The following AFTPH variants were observed in gnomAD, a reference collection of about 807,000 sequenced individuals.
The protein encoded by AFTPH is aftiphilin, also known as aftiphilin protein.
A neutral mutation model predicts 72.5 loss-of-function variants in AFTPH; 7 were observed. That is an observed-to-expected ratio of 0.10 (90% CI 0.05 to 0.18). The LOEUF (loss-of-function observed/expected upper bound fraction) is 0.18. AFTPH is among the 10% of genes least tolerant of loss of function. AFTPH has a pLI of 1.00. For missense variants in AFTPH, 979 were observed against 1,060.5 expected (o/e 0.92, Z 1.07); for synonymous variants, 337 against 370.1 (o/e 0.91, Z 1.03).
intron 1 of AFTPH, among the ~76,000 whole-genome samples, chr2:64,534,380 A>G (rs1669777892): frequency 1.3e-5 from 2 of 152,336 alleles, no homozygotes; most frequent in Middle Eastern, 6.8e-3. Context: ...ATTCAAAAAA[A>G]AATTACTAAG....
chr2:64,569,670 A>G, exon 5 of AFTPH: 1 of 1,613,734 alleles, frequency 6.2e-7, no homozygotes, highest in Non-Finnish European at 8.5e-7. Context: ...CCATGTATGC[A>G]GCAGGATTGG....
chr2:64,554,339 C>A (rs1671233994), intron 2 of AFTPH, among the ~76,000 whole-genome samples: 1 of 152,120 alleles, frequency 6.6e-6, no homozygotes, highest in South Asian at 2.1e-4. Flanking sequence ...TTTTTCAACT[C>A]CAGGGGTGTG....
chr2:64,567,844 C>T (rs1672177243), intron 3 of AFTPH, 131 bp downstream of exon 3: 1 of 919,204 alleles, frequency 1.1e-6, no homozygotes. Flanking sequence ...AGTTTGAGAC[C>T]AGCCTAGCCA....
At chr2:64,532,828 C>G (rs1167473306) in intron 1 of AFTPH, among the ~76,000 whole-genome samples, 3 of 151,952 alleles carry the variant, frequency 2.0e-5, no homozygotes, top group Non-Finnish European at 4.4e-5. Context: ...AAGGATGAAA[C>G]CTAGATAAAC....
intron 1 of AFTPH, among the ~76,000 whole-genome samples, chr2:64,542,694 G>T (rs1670329417): frequency 6.6e-6 from 1 of 151,740 alleles, no homozygotes; most frequent in Admixed American, 6.6e-5. Context: ...CTAGGGATTG[G>T]TTAGAAAAAC....
intron 2 of AFTPH, among the ~76,000 whole-genome samples, chr2:64,560,537 T>C (rs1352503273): frequency 6.6e-6 from 1 of 152,208 alleles, no homozygotes; most frequent in Non-Finnish European, 1.5e-5. Context: ...ACGACTTTCC[T>C]GAGCCCTTTC....
chr2:64,543,225 T>TG (rs1249483824), intron 1 of AFTPH, among the ~76,000 whole-genome samples: 5 of 152,240 alleles, frequency 3.3e-5, no homozygotes, highest in African/African-American at 1.2e-4. Context: ...ATTTTTCTGT[T>TG]GGATTGTTCC....
At chr2:64,550,677 G>GCGCACACACA (rs777425715) in intron 1 of AFTPH, among the ~76,000 whole-genome samples, 1 of 130,152 alleles carries the variant, frequency 7.7e-6, no homozygotes, top group Non-Finnish European at 1.6e-5. Flanking sequence ...CTGTACGCAT[G>GCGCACACACA]CACACACACA....
chr2:64,575,771 C>G (rs925915662), intron 6 of AFTPH, among the ~76,000 whole-genome samples: 17 of 146,522 alleles, frequency 1.2e-4, no homozygotes, highest in African/African-American at 4.3e-4. Flanking sequence ...TAGAGTCTTG[C>G]TCTGTCACCC....
At chr2:64,569,288 T>G in intron 4 of AFTPH, 70 bp downstream of exon 4, 1 of 1,526,180 alleles carries the variant, frequency 6.6e-7, no homozygotes, top group Non-Finnish European at 8.8e-7. Flanking sequence ...GTCATACTTC[T>G]GTTTAAGCTG....
intron 2 of AFTPH, among the ~76,000 whole-genome samples, chr2:64,563,110 C>G (rs556525569): frequency 6.6e-6 from 1 of 152,150 alleles, no homozygotes; most frequent in East Asian, 1.9e-4. Flanking sequence ...TGCATATACT[C>G]TGTATTGAAA....
At chr2:64,564,451 T>C (rs754204550) in intron 2 of AFTPH, among the ~76,000 whole-genome samples, 1 of 151,924 alleles carries the variant, frequency 6.6e-6, no homozygotes, top group Non-Finnish European at 1.5e-5. Flanking sequence ...ATCTCCAGAT[T>C]ATAAATGCAG....
intron 6 of AFTPH, among the ~76,000 whole-genome samples, chr2:64,575,735 GTGTGTGTA>G (rs1170978522): frequency 4.9e-4 from 30 of 61,240 alleles, no homozygotes; most frequent in Admixed American, 2.1e-3. Context: ...GTGTGTGTGT[GTGTGTGTA>G]TATATTTTTT....
chr2:64,560,202 A>G (rs1324926636), intron 2 of AFTPH, among the ~76,000 whole-genome samples: 1 of 152,200 alleles, frequency 6.6e-6, no homozygotes, highest in Non-Finnish European at 1.5e-5. Context: ...GCACCAGTGG[A>G]TAAAGTGAAA....
At chr2:64,570,210 G>C (rs139933154) in intron 5 of AFTPH, among the ~76,000 whole-genome samples, 1 of 152,250 alleles carries the variant, frequency 6.6e-6, no homozygotes, top group African/African-American at 2.4e-5. Context: ...GGAAAACTGA[G>C]ACATTTTCAT....
At chr2:64,592,029 C>T (rs554022165) in exon 9 of AFTPH, 34 of 1,611,890 alleles carry the variant, frequency 2.1e-5, no homozygotes, top group Admixed American at 1.7e-4. Context: ...AAAAAGCAGA[C>T]GGATAACTGA....
intron 2 of AFTPH, among the ~76,000 whole-genome samples, chr2:64,556,724 G>T (rs1184354477): frequency 6.6e-6 from 1 of 152,132 alleles, no homozygotes; most frequent in Non-Finnish European, 1.5e-5. Context: ...GAAAAGTCAA[G>T]CAAGAATTCT....
At chr2:64,567,587 G>A (rs192900794) in exon 3 of AFTPH, 15 of 1,611,956 alleles carry the variant, frequency 9.3e-6, no homozygotes, top group African/African-American at 8.0e-5. Flanking sequence ...CGCCTGGAGC[G>A]AATTTTCGAA....
intron 2 of AFTPH, among the ~76,000 whole-genome samples, chr2:64,564,201 G>A (rs1035167741): frequency 6.6e-6 from 1 of 152,110 alleles, no homozygotes; most frequent in Non-Finnish European, 1.5e-5. Context: ...TTGATAAATT[G>A]AGATAAGTAT....
Sources: allele counts gnomAD v4.1 joint callset (sites outside exome capture counted in the v4.1 genomes callset), GRCh38; gene constraint gnomAD v4.1.1; transcripts MANE v1.5; gene names NCBI Gene and HGNC (gene_info 2026-07-23, HGNC 2026-07-21).